Variants in ITGAV observed in about 807,000 individuals in gnomAD.
ITGAV encodes the protein integrin subunit alpha V.
In ITGAV, 76 loss-of-function variants were observed where a neutral mutation model predicts 143.8. The observed-to-expected ratio is 0.53, with a 90% CI of 0.44 to 0.64. The LOEUF is 0.64. ITGAV is among the 30% of genes least tolerant of loss of function. ITGAV has a pLI of 0.00. For synonymous variants in ITGAV, 453 were observed against 446.7 expected (o/e 1.01, Z -0.18); for missense variants, 1,193 against 1,274.7 (o/e 0.94, Z 0.98).
At chr2:186,607,918 G>T (rs186074464) in intron 2 of ITGAV, among the ~76,000 whole-genome samples, 9 of 152,234 alleles carry the variant, frequency 5.9e-5, no homozygotes, top group African/African-American at 2.2e-4. Context: ...CATAGCTTTG[G>T]GGTTCCTTGA....
chr2:186,603,070 G>A (rs1268791347), intron 2 of ITGAV, among the ~76,000 whole-genome samples: 1 of 152,040 alleles, frequency 6.6e-6, no homozygotes, highest in Non-Finnish European at 1.5e-5. Context: ...TGAGAAATAA[G>A]CTTTACATTT....
intron 5 of ITGAV, among the ~76,000 whole-genome samples, chr2:186,631,101 C>G (rs1045260927): frequency 1.3e-5 from 2 of 152,156 alleles, no homozygotes; most frequent in Admixed American, 6.5e-5. Context: ...AAAGTAGACA[C>G]TCTCCTCAGT....
intron 1 of ITGAV, among the ~76,000 whole-genome samples, chr2:186,592,330 G>T (rs186710901): frequency 9.2e-5 from 14 of 152,256 alleles, no homozygotes; most frequent in Admixed American, 6.5e-4. Context: ...TCCTCGCTCT[G>T]CGGGAGGCTG....
At chr2:186,662,781 C>A (rs1419840098) in intron 18 of ITGAV, among the ~76,000 whole-genome samples, 1 of 152,176 alleles carries the variant, frequency 6.6e-6, no homozygotes, top group African/African-American at 2.4e-5. Flanking sequence ...TTGTTAAGGG[C>A]TGAACTGAGT....
chr2:186,637,543 G>A (rs1196932684), intron 8 of ITGAV, among the ~76,000 whole-genome samples: 2 of 151,872 alleles, frequency 1.3e-5, no homozygotes, highest in African/African-American at 2.4e-5. Flanking sequence ...CCATTGTTAT[G>A]GAATATAACA....
intron 12 of ITGAV, 170 bp downstream of exon 12, chr2:186,641,758 A>T (rs1414472184): frequency 1.7e-6 from 1 of 593,968 alleles, no homozygotes; most frequent in Non-Finnish European, 3.0e-6. Context: ...ATTTTTCTTT[A>T]AAAATCAGAG....
At chr2:186,596,854 C>T (rs961451039) in intron 1 of ITGAV, among the ~76,000 whole-genome samples, 6 of 152,254 alleles carry the variant, frequency 3.9e-5, no homozygotes, top group African/African-American at 1.4e-4. Flanking sequence ...CTTCATTGTT[C>T]TCTTTAAAAA....
At chr2:186,642,442 C>T (rs1417787599) in intron 12 of ITGAV, among the ~76,000 whole-genome samples, 1 of 152,078 alleles carries the variant, frequency 6.6e-6, no homozygotes, top group Non-Finnish European at 1.5e-5. Context: ...AGATTTCACA[C>T]CTGTCTTGTG....
At chr2:186,611,900 A>G (rs553179586) in intron 2 of ITGAV, among the ~76,000 whole-genome samples, 1 of 152,190 alleles carries the variant, frequency 6.6e-6, no homozygotes, top group Non-Finnish European at 1.5e-5. Context: ...ATGAGATCCC[A>G]TATCTGATTT....
intron 15 of ITGAV, among the ~76,000 whole-genome samples, chr2:186,653,581 G>C (rs1267276588): frequency 6.6e-6 from 1 of 152,054 alleles, no homozygotes; most frequent in African/African-American, 2.4e-5. Flanking sequence ...TCTTTAATTG[G>C]ATTACATTTA....
At position 186,590,369 on chromosome 2, in the gene ITGAV, C is replaced by T; in HGVS notation, c.31C>T (p.Leu11Phe). 1 of 1,591,474 alleles carries T rather than the reference C, an allele frequency of 6.3e-7. No homozygotes were observed. The highest frequency in any genetic ancestry group is 8.5e-7 in the Non-Finnish European group (1 of 1,170,882). ...TTTTCCGCCGCGGCGACGGCTGCGC[C>T]TCGGTCCCCGCGGCCTCCCGCTTCT... MAFPPRRRLRLGPRGLPLLLS... is the reference protein window; with the variant it reads MAFPPRRRLRFGPRGLPLLLS... The change falls in exon 1 of 30, where the codon CTC becomes TTC. Residue 11 changes from leucine to phenylalanine, a missense_variant. Coordinates refer to ENST00000261023, the MANE Select transcript of ITGAV (RefSeq NM_002210.5).
chr2:186,592,674 A>G (rs1396407671), intron 1 of ITGAV, among the ~76,000 whole-genome samples: 1 of 152,100 alleles, frequency 6.6e-6, no homozygotes, highest in Non-Finnish European at 1.5e-5. Flanking sequence ...GCCAGTCATT[A>G]TAATCAATGA....
chr2:186,604,036 A>T (rs1482307216), intron 2 of ITGAV, among the ~76,000 whole-genome samples: 5 of 150,844 alleles, frequency 3.3e-5, no homozygotes, highest in Non-Finnish European at 7.4e-5. Flanking sequence ...GCTAGTTTTT[A>T]TGTATTTTTT....
chr2:186,657,907 A>G (rs1037788184), intron 17 of ITGAV, among the ~76,000 whole-genome samples: 3 of 152,126 alleles, frequency 2.0e-5, no homozygotes, highest in African/African-American at 4.8e-5. Context: ...AATATCTATC[A>G]AACATTCAAG....
intron 1 of ITGAV, among the ~76,000 whole-genome samples, chr2:186,594,154 A>G (rs1686685945): frequency 6.6e-6 from 1 of 152,218 alleles, no homozygotes; most frequent in Admixed American, 6.5e-5. Context: ...TGTATCTTAA[A>G]TCTAAAAGTA....
chr2:186,590,866 T>C (rs1048159680), intron 1 of ITGAV, among the ~76,000 whole-genome samples: 2 of 152,166 alleles, frequency 1.3e-5, no homozygotes, highest in Non-Finnish European at 2.9e-5. Context: ...TGTCGAGGAT[T>C]TGGTCAATAT....
At chr2:186,619,258 C>T (rs1258435535) in intron 2 of ITGAV, among the ~76,000 whole-genome samples, 3 of 151,660 alleles carry the variant, frequency 2.0e-5, no homozygotes, top group Admixed American at 1.3e-4. Flanking sequence ...TATGGCAACA[C>T]GGATGGAACT....
At chr2:186,672,535 C>T (rs894333284) in intron 26 of ITGAV, among the ~76,000 whole-genome samples, 1 of 152,314 alleles carries the variant, frequency 6.6e-6, no homozygotes, top group Middle Eastern at 3.4e-3. Context: ...GCAATCCCAA[C>T]CAGCAATATA....
At chr2:186,594,224 G>T (rs1425945916) in intron 1 of ITGAV, among the ~76,000 whole-genome samples, 1 of 152,206 alleles carries the variant, frequency 6.6e-6, no homozygotes, top group Non-Finnish European at 1.5e-5. Flanking sequence ...TGACTAGCCT[G>T]TCTTAACTCA....
Sources: allele counts gnomAD v4.1 joint callset (sites outside exome capture counted in the v4.1 genomes callset), GRCh38; gene constraint gnomAD v4.1.1; transcripts MANE v1.5; gene names NCBI Gene and HGNC (gene_info 2026-07-23, HGNC 2026-07-21).